BCKDHB: variants seen among roughly 807,000 people sequenced by gnomAD.
BCKDHB encodes the protein branched chain keto acid dehydrogenase E1 subunit beta.
Under a neutral mutation model 48.5 loss-of-function variants are expected in BCKDHB, and 41 were observed. The observed-to-expected ratio is 0.85, with a 90% CI of 0.66 to 1.10. The LOEUF is 1.10. Ranked by LOEUF, BCKDHB falls within the 50% of genes least tolerant of loss-of-function variation. The pLI is 0.00. For missense variants in BCKDHB, 496 were observed against 494.2 expected (o/e 1.00, Z -0.03); for synonymous variants, 201 against 174.8 (o/e 1.15, Z -1.18).
chr6:80,165,981 C>A (rs1772548721), intron 3 of BCKDHB, among the ~76,000 whole-genome samples: 1 of 152,182 alleles, frequency 6.6e-6, no homozygotes, highest in African/African-American at 2.4e-5. Context: ...TATTTTCTGA[C>A]ACCTCAGATC....
intron 9 of BCKDHB, among the ~76,000 whole-genome samples, chr6:80,335,783 A>G (rs1442973765): frequency 2.6e-5 from 4 of 152,034 alleles, no homozygotes; most frequent in Non-Finnish European, 2.9e-5. Flanking sequence ...GGAAACTTTG[A>G]TAGTTCAAGA....
the BCKDHB span, among the ~76,000 whole-genome samples, chr6:80,352,731 A>G: frequency 6.6e-6 from 1 of 152,170 alleles, no homozygotes; most frequent in Non-Finnish European, 1.5e-5. Context: ...CATATATTTC[A>G]TATATATGAC....
chr6:80,423,109 T>G, the BCKDHB span, among the ~76,000 whole-genome samples: 2 of 152,108 alleles, frequency 1.3e-5, no homozygotes, highest in African/African-American at 4.8e-5. Context: ...ATGGGCGTGG[T>G]TTCTGCCATG....
At chr6:80,465,126 C>A in the BCKDHB span, among the ~76,000 whole-genome samples, 11 of 152,264 alleles carry the variant, frequency 7.2e-5, no homozygotes, top group Middle Eastern at 3.4e-3. Context: ...CCTGGGAAGC[C>A]AGATGCACTC....
intron 8 of BCKDHB, among the ~76,000 whole-genome samples, chr6:80,246,306 C>CTGG (rs1392200325): frequency 1.3e-5 from 2 of 152,164 alleles, no homozygotes; most frequent in African/African-American, 4.8e-5. Flanking sequence ...CTGTGGTCCC[C>CTGG]TGGTCGTCCC....
At chr6:80,164,292 GAT>G (rs3074552) in intron 3 of BCKDHB, among the ~76,000 whole-genome samples, 55,351 of 151,544 alleles carry the variant, frequency 0.37, 12,032 homozygotes, top group Admixed American at 0.56. Context: ...CCCTTCCTCT[GAT>G]ATATTAAACA....
chr6:80,160,995 A>G (rs1324335838), intron 3 of BCKDHB, among the ~76,000 whole-genome samples: 27 of 152,160 alleles, frequency 1.8e-4, no homozygotes, highest in Non-Finnish European at 1.5e-5. Flanking sequence ...GATGGTATTT[A>G]CTTTTTTTTG....
chr6:80,197,080 T>A (rs1198138856), intron 6 of BCKDHB, among the ~76,000 whole-genome samples: 1 of 152,206 alleles, frequency 6.6e-6, no homozygotes, highest in Non-Finnish European at 1.5e-5. Context: ...AATAGGAATC[T>A]GTAATATGAC....
intron 6 of BCKDHB, among the ~76,000 whole-genome samples, chr6:80,193,713 C>CTT (rs1193343125): frequency 1.5e-5 from 2 of 135,314 alleles, no homozygotes; most frequent in Middle Eastern, 4.4e-3. Context: ...GAGCGAGACT[C>CTT]TGTCTCAAAA....
At chr6:80,451,107 A>G in the BCKDHB span, among the ~76,000 whole-genome samples, 3 of 152,220 alleles carry the variant, frequency 2.0e-5, no homozygotes, top group Non-Finnish European at 4.4e-5. Context: ...AAAATTCAAA[A>G]CAATGCTCAG....
chr6:80,316,075 C>A (rs1321340791), intron 9 of BCKDHB, among the ~76,000 whole-genome samples: 22 of 152,190 alleles, frequency 1.4e-4, no homozygotes, highest in Admixed American at 1.4e-3. Context: ...AGGGTCACTT[C>A]TAAGGTTTCA....
At chr6:80,459,034 A>G in the BCKDHB span, among the ~76,000 whole-genome samples, 1 of 152,210 alleles carries the variant, frequency 6.6e-6, no homozygotes, top group Non-Finnish European at 1.5e-5. Context: ...GTTGATGGGA[A>G]TGCAAAGTGG....
chr6:80,363,418 G>T, the BCKDHB span, among the ~76,000 whole-genome samples: 1 of 152,104 alleles, frequency 6.6e-6, no homozygotes, highest in Non-Finnish European at 1.5e-5. Flanking sequence ...CTTATCTTTA[G>T]AAAATATTAT....
intron 3 of BCKDHB, among the ~76,000 whole-genome samples, chr6:80,150,982 A>G (rs1205707873): frequency 2.0e-5 from 3 of 152,180 alleles, no homozygotes; most frequent in East Asian, 1.9e-4. Flanking sequence ...ATATTATGCC[A>G]TTTTTAATAA....
At chr6:80,205,089 C>G (rs562682266) in intron 8 of BCKDHB, among the ~76,000 whole-genome samples, 1 of 152,096 alleles carries the variant, frequency 6.6e-6, no homozygotes, top group East Asian at 1.9e-4. Flanking sequence ...AGACTCTCTT[C>G]GTTGCTGATG....
chr6:80,244,144 T>A (rs1370104332), intron 8 of BCKDHB, among the ~76,000 whole-genome samples: 1 of 152,186 alleles, frequency 6.6e-6, no homozygotes, highest in Non-Finnish European at 1.5e-5. Flanking sequence ...AGTATTGATG[T>A]GTAGGAAAGA....
intron 8 of BCKDHB, among the ~76,000 whole-genome samples, chr6:80,215,116 A>C (rs969709727): frequency 1.3e-5 from 2 of 152,224 alleles, no homozygotes; most frequent in African/African-American, 4.8e-5. Flanking sequence ...GTTAGACTTA[A>C]ATGCTTTTCC....
the BCKDHB span, among the ~76,000 whole-genome samples, chr6:80,375,219 T>G: frequency 6.6e-6 from 1 of 152,238 alleles, no homozygotes; most frequent in Non-Finnish European, 1.5e-5. Context: ...CAGGGAAGTT[T>G]TCTTGATTAT....
the BCKDHB span, chr6:80,374,169 C>T: frequency 5.6e-6 from 4 of 718,900 alleles, no homozygotes; most frequent in Non-Finnish European, 1.0e-5. Flanking sequence ...GTTAATCCGA[C>T]TATGAGCTCT....
Sources: gnomAD v4.1 joint callset for allele counts (sites outside exome capture counted in the v4.1 genomes callset) on GRCh38, gnomAD v4.1.1 for gene constraint, MANE v1.5 for transcripts, NCBI Gene and HGNC (gene_info 2026-07-23, HGNC 2026-07-21) for gene names.